DPP8: variants seen among roughly 807,000 people sequenced by gnomAD.
DPP8 encodes the protein DPP VIII.
In DPP8, 31 loss-of-function variants were observed where a neutral mutation model predicts 107.5. That is an observed-to-expected ratio of 0.29 (90% CI 0.22 to 0.39). The LOEUF (loss-of-function observed/expected upper bound fraction) is 0.39. Among genes scored for constraint, DPP8 ranks in the 10% least tolerant of loss-of-function variants. The pLI, the probability that DPP8 is intolerant of heterozygous loss-of-function variation, is 1.00. For missense variants in DPP8, 842 were observed against 1,076.1 expected (o/e 0.78, Z 3.04); for synonymous variants, 381 against 356.6 (o/e 1.07, Z -0.77).
At position 65,445,063 on chromosome 15, in the gene DPP8, T is replaced by A. The variant is rs1352608543; in HGVS notation, c.*1821A>T. ...TGAAAAGCAATACATATACAGATAA[T>A]AAGAAAAAGCGTGGTATCTATTATA... On this transcript the variant is annotated 3_prime_UTR_variant, in exon 20 of 20. Coordinates refer to ENST00000300141, the MANE Select transcript of DPP8 (RefSeq NM_130434.5). 4 of 152,072 alleles carry A rather than the reference T, an allele frequency of 2.6e-5. No homozygotes were observed. In the South Asian group the frequency reaches 6.2e-4, roughly 24 times the overall value. The allele number at this position is 152,072 out of a possible 1,614,324, so 9.4% of individuals were successfully genotyped here.
At chr15:65,483,247 G>A (rs1294910813) in intron 8 of DPP8, among the ~76,000 whole-genome samples, 1 of 152,106 alleles carries the variant, frequency 6.6e-6, no homozygotes, top group Non-Finnish European at 1.5e-5. Context: ...AGTACATGCT[G>A]AGTGTGGTGG....
chr15:65,451,727 C>T (rs921731907), intron 18 of DPP8, among the ~76,000 whole-genome samples: 2 of 151,864 alleles, frequency 1.3e-5, no homozygotes, highest in African/African-American at 4.8e-5. Flanking sequence ...GAGTTTGAGA[C>T]CACCCTAGGC....
rs2071631237 is a variant in DPP8 at position 65,517,680 on chromosome 15, T to A, written c.-206A>T. ...GCAGCGGCCTTGGCCTCGGAGGCTTTAGCACTTCCGGTTCGTTGCGATCCG... is the reference window on the plus strand; with the variant it reads ...GCAGCGGCCTTGGCCTCGGAGGCTTAAGCACTTCCGGTTCGTTGCGATCCG... On this transcript the variant is annotated 5_prime_UTR_variant, in exon 1 of 20. Coordinates refer to ENST00000300141, the MANE Select transcript of DPP8 (RefSeq NM_130434.5). 1 of 152,356 alleles carries A rather than the reference T, an allele frequency of 6.6e-6. No individual in the cohort carries two copies. The highest frequency in any genetic ancestry group is 2.4e-5 in the African/African-American group (1 of 41,478). 9.4% of individuals were successfully genotyped at this position (152,356 alleles called of 1,614,324 possible).
Position 65,451,101 on chromosome 15 carries a change from A to G in DPP8, c.2424T>C (p.Arg808=), listed in dbSNP as rs769529822. 2.5e-6 allele frequency: 4 copies of G among 1,607,428 alleles called. No homozygotes were observed. The African/African-American group carries it at 5.3e-5, about 21-fold the overall frequency. The change falls in exon 19 of 20, where the codon CGT becomes CGC. Residue 808 remains arginine (R), a synonymous_variant. Coordinates refer to ENST00000300141, the MANE Select transcript of DPP8 (RefSeq NM_130434.5). ...QAEKFPSEPN[R]LLLLHGFLDE... is the part of the protein sequence containing the mutation. ...CCAGGAAACCATGTAAGAGCAGTAA[A>G]CGATTTGGTCTGGAGAAATGGAAAT...
chr15:65,464,684 T>A (rs148136137), intron 14 of DPP8, among the ~76,000 whole-genome samples: 1 of 152,124 alleles, frequency 6.6e-6, no homozygotes, highest in Non-Finnish European at 1.5e-5. Flanking sequence ...AACAAGACAC[T>A]GTCTCGACAA....
intron 3 of DPP8, chr15:65,502,950 G>C (rs1024185120): frequency 6.6e-6 from 1 of 152,044 alleles, no homozygotes; most frequent in South Asian, 2.1e-4. Context: ...TAAATAAATA[G>C]AAAGACATCA....
rs192131861 is a variant in DPP8 at position 65,493,054 on chromosome 15, C to T, written c.716-2755G>A. Among the ~76,000 whole-genome samples, 261 of 151,988 alleles carry T rather than the reference C, an allele frequency of 1.7e-3. 1 individual carries two copies. The highest frequency in any genetic ancestry group is 5.9e-3 in the African/African-American group (244 of 41,476). ...ATTCAGAATTTGGGAGAGCTCTTTT[C>T]TTTCTTTTCTTTCCTTTTCTGTTTT... On this transcript the variant is annotated intron_variant, in intron 5 of 19. Coordinates refer to ENST00000300141, the MANE Select transcript of DPP8 (RefSeq NM_130434.5).
intron 11 of DPP8, chr15:65,475,395 T>C: frequency 1.9e-6 from 3 of 1,550,642 alleles, no homozygotes; most frequent in African/African-American, 1.4e-5. Flanking sequence ...TTGGCCACTG[T>C]GAGGGGTACA....
chr15:65,504,444 G>A (rs2069680141), intron 3 of DPP8, among the ~76,000 whole-genome samples: 1 of 151,814 alleles, frequency 6.6e-6, no homozygotes, highest in Non-Finnish European at 1.5e-5. Flanking sequence ...GGCTGAGGTA[G>A]GCAGATTACA....
At chr15:65,477,928 CT>C (rs1378108723) in intron 11 of DPP8, among the ~76,000 whole-genome samples, 1 of 152,100 alleles carries the variant, frequency 6.6e-6, no homozygotes, top group Non-Finnish European at 1.5e-5. Flanking sequence ...GCTTCCTATT[CT>C]AAAACAAACT....
intron 5 of DPP8, among the ~76,000 whole-genome samples, chr15:65,491,995 G>C (rs995799115): frequency 2.6e-5 from 4 of 151,690 alleles, no homozygotes; most frequent in Non-Finnish European, 5.9e-5. Flanking sequence ...GCCTCCCAAA[G>C]TGCTGGGATT....
chr15:65,460,083 G>A (rs72739484), intron 15 of DPP8, among the ~76,000 whole-genome samples: 30,588 of 151,912 alleles, frequency 0.2, 3,426 homozygotes, highest in African/African-American at 0.29. Flanking sequence ...TCATGCTGCT[G>A]TGTAACCATC....
At chr15:65,506,325 G>A (rs1033148300) in intron 3 of DPP8, among the ~76,000 whole-genome samples, 3 of 150,596 alleles carry the variant, frequency 2.0e-5, no homozygotes, top group Non-Finnish European at 4.4e-5. Flanking sequence ...GCAAAACTCC[G>A]TCTCAAAAAA....
chr15:65,508,803 G>C (rs1337961905), intron 2 of DPP8, among the ~76,000 whole-genome samples: 1 of 151,754 alleles, frequency 6.6e-6, no homozygotes, highest in African/African-American at 2.4e-5. Context: ...AATAAACCGA[G>C]ATCACGCCAC....
intron 4 of DPP8, 60 bp from the exon 5 acceptor site, chr15:65,498,092 C>T (rs779548856): frequency 2.1e-5 from 26 of 1,241,994 alleles, no homozygotes; most frequent in Non-Finnish European, 2.9e-5. Flanking sequence ...TGTTCCAGCA[C>T]CCTTCCTATA....
intron 1 of DPP8, among the ~76,000 whole-genome samples, chr15:65,514,780 GA>G (rs1421699774): frequency 5.9e-5 from 9 of 152,194 alleles, no homozygotes; most frequent in African/African-American, 2.2e-4. Flanking sequence ...AAAGTGCTGG[GA>G]TTACAGGTGG....
At chr15:65,486,984 A>C (rs1220393465) in intron 7 of DPP8, among the ~76,000 whole-genome samples, 2 of 152,040 alleles carry the variant, frequency 1.3e-5, no homozygotes, top group Non-Finnish European at 2.9e-5. Context: ...CTGAAATAAA[A>C]TTTAAAATAA....
chr15:65,471,943 G>C (rs1236409240), intron 12 of DPP8, among the ~76,000 whole-genome samples: 3 of 152,162 alleles, frequency 2.0e-5, no homozygotes, highest in African/African-American at 4.8e-5. Flanking sequence ...ACCACATTTA[G>C]TTAGGCCTTC....
At chr15:65,479,105 C>A in intron 10 of DPP8, 66 bp from the exon 11 acceptor site, 1 of 1,131,516 alleles carries the variant, frequency 8.8e-7, no homozygotes, top group Non-Finnish European at 1.2e-6. Flanking sequence ...AATTAGGCTA[C>A]AGGAAAAATT....
Sources: gnomAD v4.1 joint callset for allele counts (sites outside exome capture counted in the v4.1 genomes callset) on GRCh38, gnomAD v4.1.1 for gene constraint, MANE v1.5 for transcripts, NCBI Gene and HGNC (gene_info 2026-07-23, HGNC 2026-07-21) for gene names.